WNK2: variants seen among roughly 807,000 people sequenced by gnomAD.
The protein encoded by WNK2 is WNK lysine deficient protein kinase 2, also known as serine/threonine-protein kinase WNK2.
Under a neutral mutation model 192.1 loss-of-function variants are expected in WNK2, and 67 were observed. The observed-to-expected ratio is 0.35, with a 90% CI of 0.29 to 0.43. The LOEUF (loss-of-function observed/expected upper bound fraction) is 0.43. WNK2 is among the 20% of genes least tolerant of loss of function. The pLI is 1.00. For synonymous variants in WNK2, 1,439 were observed against 1,393.9 expected, an observed-to-expected ratio of 1.03 and a Z score of -0.72; for missense variants, 2,698 against 3,089.7, an observed-to-expected ratio of 0.87 and a Z score of 3.01.
intron 28 of WNK2, among the ~76,000 whole-genome samples, chr9:93,312,241 T>C (rs1490811510): frequency 2.0e-5 from 3 of 152,262 alleles, no homozygotes; most frequent in Non-Finnish European, 4.4e-5. Flanking sequence ...TTTTCATTTG[T>C]TGCCTGTGCC....
At chr9:93,294,705 C>CAGAG (rs1237136079) in intron 23 of WNK2, among the ~76,000 whole-genome samples, 1 of 151,980 alleles carries the variant, frequency 6.6e-6, no homozygotes, top group Non-Finnish European at 1.5e-5. Flanking sequence ...GAGCCAGAGA[C>CAGAG]AGAGGGTAGA....
In WNK2 at chr9:93,297,650, T is replaced by G. The variant is rs577247175; in HGVS notation, c.5709-203T>G. ...ACGTCGATGCCAGAGGCCCACTACC[T>G]TGGGACCTCCCCGTTTAGATATGAA... On this transcript the variant is annotated intron_variant, in intron 23 of 29. Coordinates refer to ENST00000427277, the MANE Select transcript of WNK2 (RefSeq NM_006648.4). 1.2e-4 allele frequency among the ~76,000 whole-genome samples: 19 copies of G among 152,372 alleles called. No individual in the cohort carries two copies. The East Asian group carries it at 3.7e-3, about 29-fold the overall frequency.
chr9:93,252,735 C>T, intron 8 of WNK2, 148 bp from the exon 9 acceptor site: 2 of 704,044 alleles, frequency 2.8e-6, no homozygotes, highest in Non-Finnish European at 2.1e-6. Context: ...TCTGTAGCAG[C>T]CAATTGTTTA....
chr9:93,238,102 A>T, intron 5 of WNK2, 131 bp from the exon 6 acceptor site: 1 of 722,804 alleles, frequency 1.4e-6, no homozygotes, highest in Non-Finnish European at 2.4e-6. Flanking sequence ...CCAGTTTTCT[A>T]GTAGTTTGTG....
At chr9:93,278,966 A>AAAGG (rs1682774451) in intron 19 of WNK2, among the ~76,000 whole-genome samples, 1 of 152,232 alleles carries the variant, frequency 6.6e-6, no homozygotes, top group South Asian at 2.1e-4. Flanking sequence ...CTTGGAATCG[A>AAAGG]AAGGAACTTC....
chr9:93,199,365 G>A (rs1351739051), intron 2 of WNK2, among the ~76,000 whole-genome samples: 1 of 152,160 alleles, frequency 6.6e-6, no homozygotes, highest in East Asian at 1.9e-4. Flanking sequence ...GCCCAGGTTG[G>A]TGACTCTAGG....
At chr9:93,233,865 T>C (rs1588080933) in intron 4 of WNK2, among the ~76,000 whole-genome samples, 1 of 152,348 alleles carries the variant, frequency 6.6e-6, no homozygotes, top group Middle Eastern at 3.4e-3. Flanking sequence ...AAAGCAGCTG[T>C]ACTGAAGTCT....
intron 19 of WNK2, among the ~76,000 whole-genome samples, chr9:93,281,402 A>C (rs1011115464): frequency 6.6e-6 from 1 of 152,224 alleles, no homozygotes; most frequent in African/African-American, 2.4e-5. Flanking sequence ...AAGTTGTAGA[A>C]CTGAAAAATA....
intron 28 of WNK2, among the ~76,000 whole-genome samples, chr9:93,310,263 G>A (rs1463176552): frequency 2.6e-5 from 4 of 152,126 alleles, no homozygotes; most frequent in Admixed American, 2.6e-4. Context: ...ACAAAGTCAG[G>A]ACTCCTGAAC....
chr9:93,207,038 C>T (rs1301542378), intron 2 of WNK2, among the ~76,000 whole-genome samples: 2 of 152,124 alleles, frequency 1.3e-5, no homozygotes, highest in East Asian at 3.9e-4. Context: ...GATGCCCACT[C>T]CTGCCAGGCT....
rs1839567847 is a variant in WNK2 at position 93,235,099 on chromosome 9, G to A, written c.1233+134G>A. 5 of 1,101,386 alleles carry A rather than the reference G, an allele frequency of 4.5e-6. No homozygotes were observed. In the Admixed American group the frequency reaches 1.1e-4, roughly 24 times the overall value. The allele number at this position is 1,101,386 out of a possible 1,614,324, so 68.2% of individuals were successfully genotyped here. On this transcript the variant is annotated intron_variant, in intron 5 of 29. Coordinates refer to ENST00000427277, the MANE Select transcript of WNK2 (RefSeq NM_006648.4). ...GGAGCTTGGCCATTTTGCAGAGGGGGAAACTGAGGAGATTGGCCATTTTAC... is the reference window on the plus strand; with the variant it reads ...GGAGCTTGGCCATTTTGCAGAGGGGAAAACTGAGGAGATTGGCCATTTTAC...
At chr9:93,245,802 G>A (rs773556789) in intron 7 of WNK2, among the ~76,000 whole-genome samples, 7 of 152,220 alleles carry the variant, frequency 4.6e-5, no homozygotes, top group Non-Finnish European at 1.0e-4. Context: ...AGCCTTAGAG[G>A]TCAGGGATCA....
rs116437525 is a variant in WNK2, at chr9:93,219,778, C to T, written c.682-9918C>T. Among the ~76,000 whole-genome samples, 1,101 of 152,350 alleles carry T rather than the reference C, an allele frequency of 7.2e-3. 13 individuals are homozygous for T. The highest frequency in any genetic ancestry group is 0.025 in the African/African-American group (1,052 of 41,572). ...AAATAAAACACCCGTATGCCATGTG[C>T]CCAGCTCCACCTGTTGCCACCAGCT... On this transcript the variant is annotated intron_variant, in intron 2 of 29. Coordinates refer to ENST00000427277, the MANE Select transcript of WNK2 (RefSeq NM_006648.4).
intron 29 of WNK2, chr9:93,317,925 C>G (rs1463615505): frequency 6.3e-7 from 1 of 1,598,246 alleles, no homozygotes; most frequent in Non-Finnish European, 8.5e-7. Flanking sequence ...GCCTCCGAGT[C>G]CCCCCCACCG....
At chr9:93,301,316 G>A (rs751741166) in intron 26 of WNK2, among the ~76,000 whole-genome samples, 13 of 152,216 alleles carry the variant, frequency 8.5e-5, no homozygotes, top group Non-Finnish European at 1.8e-4. Flanking sequence ...TGTGCTTGTT[G>A]GGAGCCAGAG....
At chr9:93,244,197 G>A (rs1180743220) in intron 7 of WNK2, among the ~76,000 whole-genome samples, 2 of 152,222 alleles carry the variant, frequency 1.3e-5, no homozygotes, top group Non-Finnish European at 2.9e-5. Context: ...GGGAGAGAAT[G>A]CAGATGTGGC....
Position 93,289,619 on chromosome 9 carries a change from T to C in WNK2, c.4865T>C (p.Leu1622Ser), listed in dbSNP as rs1197967483. Residue 1622 changes from leucine (L) to serine (S), a missense_variant and splice_region_variant, in exon 20 of 30, where the codon TTG (leucine) becomes TCG (serine). This residue lies in a region of WNK2 where 1,098 missense variants were observed against 1,101.0 expected (regional missense o/e 1.00). Transcript: ENST00000427277. Reference protein sequence around the residue: ...VSGRVQLPQPLVEKSELAPTR... With the variant: ...VSGRVQLPQPSVEKSELAPTR... Reference sequence around the variant, plus strand: ...GGGCGTGTCCAGCTGCCCCAGCCCTTGGTGAGTAGCTGCCTTGTCCCAGAG... The same window carrying C: ...GGGCGTGTCCAGCTGCCCCAGCCCTCGGTGAGTAGCTGCCTTGTCCCAGAG... 2.0e-6 allele frequency: 3 copies of C among 1,466,566 alleles called. No homozygotes were observed. The East Asian group carries it at 7.2e-5, about 35-fold the overall frequency. 90.8% of individuals were successfully genotyped at this position (1,466,566 alleles called of 1,614,324 possible).
chr9:93,273,626 A>T (rs1231620994), intron 19 of WNK2, among the ~76,000 whole-genome samples: 1 of 152,244 alleles, frequency 6.6e-6, no homozygotes, highest in Admixed American at 6.5e-5. Flanking sequence ...TAGACAGAAA[A>T]TTATCAAGAA....
At chr9:93,203,825 G>T (rs1832904623) in intron 2 of WNK2, among the ~76,000 whole-genome samples, 1 of 152,168 alleles carries the variant, frequency 6.6e-6, no homozygotes, top group Admixed American at 6.5e-5. Context: ...TGTGTGTGGT[G>T]ATTGAAGCCG....
Sources: gnomAD v4.1 joint callset for allele counts (sites outside exome capture counted in the v4.1 genomes callset) on GRCh38, gnomAD v4.1.1 for gene constraint, gnomAD v4.1.1 regional missense constraint, MANE v1.5 for transcripts, NCBI Gene and HGNC (gene_info 2026-07-23, HGNC 2026-07-21) for gene names.